STX16: variants seen among roughly 807,000 people sequenced by gnomAD.
STX16 encodes syntaxin-16.
Under a neutral mutation model 42.7 loss-of-function variants are expected in STX16, and 28 were observed. The ratio of observed to expected loss-of-function variants is 0.66; its 90% confidence interval spans 0.49 to 0.90. The LOEUF is 0.90. Among genes scored for constraint, STX16 ranks in the 40% least tolerant of loss-of-function variants. STX16 has a pLI of 0.00. For missense variants in STX16, 361 were observed against 420.9 expected (o/e 0.86, Z 1.24); for synonymous variants, 156 against 155.2 (o/e 1.00, Z -0.04).
At chr20:58,658,996 C>T (rs899971581) in intron 1 of STX16, among the ~76,000 whole-genome samples, 4 of 152,122 alleles carry the variant, frequency 2.6e-5, no homozygotes, top group South Asian at 2.1e-4. Flanking sequence ...TGTCTCTCTC[C>T]GGGAAAGAGT....
intron 7 of STX16, among the ~76,000 whole-genome samples, chr20:58,673,303 C>G (rs1333336836): frequency 1.3e-5 from 2 of 152,200 alleles, no homozygotes; most frequent in African/African-American, 2.4e-5. Flanking sequence ...TGCTCAGAGC[C>G]TCTGTCCACT....
At chr20:58,667,944 G>A (rs759378553) in intron 3 of STX16, 43 bp from the exon 4 acceptor site, 7 of 1,612,922 alleles carry the variant, frequency 4.3e-6, no homozygotes, top group Non-Finnish European at 5.9e-6. Context: ...GCAGACCATA[G>A]CCTGCCTGGC....
intron 2 of STX16, among the ~76,000 whole-genome samples, chr20:58,666,508 G>A (rs1475365378): frequency 1.4e-5 from 2 of 147,238 alleles, no homozygotes; most frequent in Admixed American, 6.9e-5. Flanking sequence ...GGCTCACTGC[G>A]ACCTTCGCCT....
At chr20:58,652,450 TTGGGAAGCA>T in intron 1 of STX16, 1 of 409,636 alleles carries the variant, frequency 2.4e-6, no homozygotes, top group Non-Finnish European at 4.6e-6. Flanking sequence ...AACGCTAACA[TTGGGAAGCA>T]TTGGGCCTTT....
Position 58,676,169 on chromosome 20 carries a change from T to TC in STX16, c.874-15dup, listed in dbSNP as rs2084116960. The TC allele has an allele frequency of 2.5e-6, 4 of 1,608,938 alleles. No individual in the cohort carries two copies. Among genetic ancestry groups the TC allele is most frequent in the Non-Finnish European group, 2.6e-6 (3 of 1,175,690 alleles). On this transcript the variant is annotated splice_polypyrimidine_tract_variant and intron_variant, in intron 8 of 8. Transcript: ENST00000371141. ...TTTTGGGGAAAATGACGGCCTTTTTTCCCTCCTCTTTTTGTAGGCAGAACA... is the reference window on the plus strand; with the variant it reads ...TTTTGGGGAAAATGACGGCCTTTTTTCCCCTCCTCTTTTTGTAGGCAGAACA...
intron 7 of STX16, 22 bp downstream of exon 7, chr20:58,671,319 G>T (rs1387480744): frequency 1.3e-6 from 2 of 1,587,308 alleles, no homozygotes; most frequent in Non-Finnish European, 1.7e-6. Context: ...GGCCTTCCTC[G>T]TGAATAGGTT....
In STX16 at chr20:58,654,438, C is replaced by T. The variant is rs147710534; in HGVS notation, c.132+2300C>T. ...ATCTTCACTTTGCTTACAGGTGATT[C>T]GTAACAAAATCTATTCTGCACACAG... On this transcript the variant is annotated intron_variant, in intron 1 of 8. Coordinates refer to ENST00000371141, the MANE Select transcript of STX16 (RefSeq NM_001001433.3). Among the ~76,000 whole-genome samples, 799 of 152,152 alleles carry T rather than the reference C, an allele frequency of 5.3e-3. 7 individuals are homozygous for T. The highest frequency in any genetic ancestry group is 0.019 in the African/African-American group (774 of 41,514).
At chr20:58,659,711 C>A in intron 2 of STX16, 77 bp downstream of exon 2, 1 of 1,504,746 alleles carries the variant, frequency 6.6e-7, no homozygotes, top group Non-Finnish European at 9.2e-7. Flanking sequence ...AGTCTTTGCT[C>A]ATATATAAAA....
At chr20:58,667,716 CT>C in intron 3 of STX16, 119 bp downstream of exon 3, 1 of 980,292 alleles carries the variant, frequency 1.0e-6, no homozygotes, top group Non-Finnish European at 1.6e-6. Context: ...TCTAGAAATA[CT>C]TTAGCTTTAG....
chr20:58,653,150 G>T (rs2083510274), intron 1 of STX16, among the ~76,000 whole-genome samples: 1 of 152,214 alleles, frequency 6.6e-6, no homozygotes, highest in South Asian at 2.1e-4. Flanking sequence ...AGCAGCGTTG[G>T]AACAGGCGGG....
intron 4 of STX16, 94 bp downstream of exon 4, chr20:58,668,221 C>CATTTCCCAACCTGAAGTT: frequency 6.7e-7 from 1 of 1,489,868 alleles, no homozygotes; most frequent in Non-Finnish European, 9.0e-7. Flanking sequence ...CTCCTGGAGT[C>CATTTCCCAACCTGAAGTT]ATTTCCCAAC....
At chr20:58,674,880 T>C (rs1294295599) in intron 8 of STX16, among the ~76,000 whole-genome samples, 3 of 152,266 alleles carry the variant, frequency 2.0e-5, no homozygotes, top group Non-Finnish European at 4.4e-5. Context: ...GAAATATGTT[T>C]TGTAATATAA....
intron 4 of STX16, 129 bp from the exon 5 acceptor site, chr20:58,669,149 ATTCCTTTTATCTG>A (rs2083908769): frequency 1.2e-6 from 1 of 825,260 alleles, no homozygotes; most frequent in Non-Finnish European, 1.8e-6. Flanking sequence ...GAAGCCACAG[ATTCCTTTTATCTG>A]TTCACCTTTC....
chr20:58,661,440 C>T (rs2083696725), intron 2 of STX16, among the ~76,000 whole-genome samples: 1 of 152,244 alleles, frequency 6.6e-6, no homozygotes, highest in Non-Finnish European at 1.5e-5. Context: ...AGAGGCCCTG[C>T]GTAGAGAGCA....
intron 2 of STX16, among the ~76,000 whole-genome samples, chr20:58,665,660 G>A (rs961946813): frequency 1.3e-5 from 2 of 152,158 alleles, no homozygotes; most frequent in African/African-American, 4.8e-5. Flanking sequence ...AGTGGTGGTG[G>A]AGAATTACCA....
chr20:58,670,528 G>A lies in STX16; in HGVS notation c.573G>A (p.Glu191=). The A allele has an allele frequency of 6.2e-7, 1 of 1,613,958 alleles. No individual in the cohort carries two copies. Residue 191 remains glutamate, a synonymous_variant, in exon 6 of 9, where the codon GAG becomes GAA. Transcript: ENST00000371141. ...CTGTGATAGGCATGAAGAATCGAGA[G>A]GAAAGATCCCAGCATTTTTTCGACA... ...SGYLKRMKNR[E]ERSQHFFDTS...
At chr20:58,663,389 G>A (rs2083746415) in intron 2 of STX16, among the ~76,000 whole-genome samples, 1 of 152,198 alleles carries the variant, frequency 6.6e-6, no homozygotes, top group African/African-American at 2.4e-5. Context: ...ATACTGGCTG[G>A]TACTCTTTAA....
chr20:58,671,027 A>G, intron 6 of STX16, 127 bp from the exon 7 acceptor site: 1 of 1,024,450 alleles, frequency 9.8e-7, no homozygotes, highest in South Asian at 2.2e-5. Context: ...TGCTTTGTAG[A>G]AATATTTTCA....
intron 7 of STX16, 77 bp downstream of exon 7, chr20:58,671,374 A>C: frequency 2.7e-6 from 4 of 1,476,840 alleles, no homozygotes; most frequent in Non-Finnish European, 9.0e-7. Flanking sequence ...TACTCCTTTC[A>C]GGGAAAAAAA....
Sources: allele counts gnomAD v4.1 joint callset (sites outside exome capture counted in the v4.1 genomes callset), GRCh38; gene constraint gnomAD v4.1.1; transcripts MANE v1.5; gene names NCBI Gene and HGNC (gene_info 2026-07-23, HGNC 2026-07-21).